The following RNF111 variants were observed in gnomAD, a reference collection of about 807,000 sequenced individuals.
RNF111 encodes E3 ubiquitin-protein ligase Arkadia.
A neutral mutation model predicts 95.1 loss-of-function variants in RNF111; 17 were observed. The ratio of observed to expected loss-of-function variants is 0.18; its 90% CI spans 0.12 to 0.27. RNF111 has a LOEUF of 0.27. Ranked by LOEUF, RNF111 falls within the 10% of genes least tolerant of loss-of-function variation. The pLI is 1.00. For missense variants in RNF111, 1,189 were observed against 1,210.4 expected, an observed-to-expected ratio of 0.98 and a Z score of 0.26; for synonymous variants, 440 against 414.8, an observed-to-expected ratio of 1.06 and a Z score of -0.74.
chr15:59,084,138 T>C lies in RNF111; in HGVS notation c.2307T>C (p.His769=), dbSNP rs1004466844. 4.4e-6 allele frequency: 7 copies of C among 1,590,480 alleles called. No individual in the cohort carries two copies. The highest frequency in any genetic ancestry group is 1.7e-4 in the Middle Eastern group (1 of 6,006). ...RRMMQHPTRA[H]ERPPPHPHRM... is the part of the protein sequence containing the mutation. Reference sequence around the variant, plus strand: ...TGTTCTGTGTTTCCAGGCGGGCACATGAACGCCCCCCACCCCATCCACATA... The same window carrying C: ...TGTTCTGTGTTTCCAGGCGGGCACACGAACGCCCCCCACCCCATCCACATA... Residue 769 remains histidine, a synonymous_variant, in exon 9 of 14, where the codon CAT becomes CAC. Coordinates refer to ENST00000348370, the MANE Select transcript of RNF111 (RefSeq NM_017610.8).
chr15:59,057,221 C>T (rs2042234743), intron 4 of RNF111, among the ~76,000 whole-genome samples: 1 of 152,158 alleles, frequency 6.6e-6, no homozygotes, highest in Non-Finnish European at 1.5e-5. Flanking sequence ...CACATCTCCT[C>T]CCCAGCGAAC....
chr15:58,998,843 A>C (rs2039199663), intron 1 of RNF111, among the ~76,000 whole-genome samples: 1 of 152,230 alleles, frequency 6.6e-6, no homozygotes, highest in Non-Finnish European at 1.5e-5. Context: ...CTGTTACATA[A>C]TGAAATGTGT....
chr15:59,023,560 T>C (rs2040451948), intron 1 of RNF111, among the ~76,000 whole-genome samples: 1 of 152,198 alleles, frequency 6.6e-6, no homozygotes, highest in Admixed American at 6.5e-5. Flanking sequence ...AATATATAAG[T>C]AACTGGCCTG....
intron 6 of RNF111, among the ~76,000 whole-genome samples, chr15:59,072,878 A>AT (rs1252575327): frequency 6.9e-5 from 9 of 130,660 alleles, no homozygotes; most frequent in Middle Eastern, 4.4e-3. Context: ...CAATTTTTTT[A>AT]TTAAAAAAAA....
intron 6 of RNF111, among the ~76,000 whole-genome samples, chr15:59,067,753 T>A (rs1327776851): frequency 1.3e-5 from 2 of 152,240 alleles, no homozygotes; most frequent in Non-Finnish European, 2.9e-5. Flanking sequence ...GAAACTCTAG[T>A]GTCCAGCTAA....
At chr15:59,093,414 C>T (rs894371952) in intron 13 of RNF111, 14 of 435,838 alleles carry the variant, frequency 3.2e-5, no homozygotes, top group African/African-American at 2.8e-4. Flanking sequence ...GCAGCAGTCT[C>T]AGCTCACTGC....
chr15:59,080,460 A>G (rs1444556135), intron 7 of RNF111, among the ~76,000 whole-genome samples: 2 of 152,082 alleles, frequency 1.3e-5, no homozygotes, highest in African/African-American at 4.8e-5. Flanking sequence ...AATTATGGCA[A>G]CCTTTTGGAA....
chr15:59,081,198 C>A lies in RNF111; in HGVS notation c.2211C>A (p.Ala737=), dbSNP rs755913484. Residue 737 remains alanine, a synonymous_variant, in exon 8 of 14, where the codon GCC becomes GCA. Coordinates refer to ENST00000348370, the MANE Select transcript of RNF111 (RefSeq NM_017610.8). ...THQPISHHIP[A]TAPPAQRLHP... Reference sequence around the variant, plus strand: ...AGCCAATTTCGCACCATATTCCAGCCACAGCACCTCCAGCACAGAGACTGC... The same window carrying A: ...AGCCAATTTCGCACCATATTCCAGCAACAGCACCTCCAGCACAGAGACTGC... The A allele has an allele frequency of 3.7e-6, 6 of 1,614,086 alleles. No individual in the cohort carries two copies. In the African/African-American group the frequency reaches 6.7e-5, roughly 18 times the overall value.
At chr15:59,060,007 T>C (rs564142811) in intron 5 of RNF111, among the ~76,000 whole-genome samples, 1 of 152,342 alleles carries the variant, frequency 6.6e-6, no homozygotes, top group East Asian at 1.9e-4. Context: ...TTCTCTCCCC[T>C]GGAAAACTGA....
In RNF111 at chr15:59,076,190, A is replaced by T; in HGVS notation, c.1923A>T (p.Ser641=). Residue 641 remains serine (S), a synonymous_variant, in exon 7 of 14, where the codon TCA becomes TCT. Transcript: ENST00000348370. ...PQPPPQPSLS[S]CRHYMPPPYA... is the part of the protein sequence containing the mutation. ...CCCCTCCACAGCCCTCTCTCTCATCATGTCGACATTACATGCCACCCCCTT... is the reference window on the plus strand; with the variant it reads ...CCCCTCCACAGCCCTCTCTCTCATCTTGTCGACATTACATGCCACCCCCTT... 6.2e-7 allele frequency: 1 copy of T among 1,613,408 alleles called. No homozygotes were observed. The highest frequency in any genetic ancestry group is 8.5e-7 in the Non-Finnish European group (1 of 1,179,972).
chr15:58,988,871 A>G (rs891347512), intron 1 of RNF111, among the ~76,000 whole-genome samples: 1 of 152,212 alleles, frequency 6.6e-6, no homozygotes, highest in Non-Finnish European at 1.5e-5. Flanking sequence ...CTTGAATGGT[A>G]AGATGCCAGC....
intron 2 of RNF111, among the ~76,000 whole-genome samples, chr15:59,046,169 G>C (rs2041697646): frequency 6.7e-6 from 1 of 149,188 alleles, no homozygotes; most frequent in African/African-American, 2.5e-5. Context: ...ACCAGTGTCT[G>C]CTCCTATTTG....
intron 6 of RNF111, among the ~76,000 whole-genome samples, chr15:59,071,814 A>G (rs1566931916): frequency 6.6e-6 from 1 of 152,356 alleles, no homozygotes; most frequent in South Asian, 2.1e-4. Context: ...TCCTAATACA[A>G]GCATACCTTG....
At chr15:59,086,751 A>C (rs138811205) in intron 10 of RNF111, among the ~76,000 whole-genome samples, 20 of 152,310 alleles carry the variant, frequency 1.3e-4, no homozygotes, top group African/African-American at 4.6e-4. Flanking sequence ...TGGTGTTTCT[A>C]ATTTTAGGAG....
intron 3 of RNF111, among the ~76,000 whole-genome samples, chr15:59,052,661 T>G (rs1259670721): frequency 1.3e-5 from 2 of 150,610 alleles, no homozygotes; most frequent in Non-Finnish European, 3.0e-5. Flanking sequence ...GATTCTCCTG[T>G]CTCATTCTCC....
intron 2 of RNF111, among the ~76,000 whole-genome samples, chr15:59,037,298 C>T (rs1229758113): frequency 1.3e-5 from 2 of 152,112 alleles, no homozygotes; most frequent in Non-Finnish European, 2.9e-5. Flanking sequence ...TAGTTTTTCC[C>T]AGTTGCCAGT....
At chr15:59,082,533 A>G (rs1350405138) in intron 8 of RNF111, among the ~76,000 whole-genome samples, 4 of 152,212 alleles carry the variant, frequency 2.6e-5, no homozygotes, top group African/African-American at 9.6e-5. Context: ...TCATATTCAG[A>G]TCAGCAAACT....
intron 2 of RNF111, chr15:59,049,362 A>ATTTTTTTTTTTTTT (rs567223230): frequency 1.4e-5 from 1 of 70,754 alleles, no homozygotes; most frequent in Non-Finnish European, 2.6e-5. Context: ...GGTGTCTTTG[A>ATTTTTTTTTTTTTT]TTTTTTTTTT....
At chr15:59,021,547 G>A (rs1375432213) in intron 1 of RNF111, among the ~76,000 whole-genome samples, 2 of 152,152 alleles carry the variant, frequency 1.3e-5, no homozygotes, top group Admixed American at 6.6e-5. Context: ...CTTTAGGAAA[G>A]TAATTAATAA....
Sources: allele counts gnomAD v4.1 joint callset (sites outside exome capture counted in the v4.1 genomes callset), GRCh38; gene constraint gnomAD v4.1.1; transcripts MANE v1.5; gene names NCBI Gene and HGNC (gene_info 2026-07-23, HGNC 2026-07-21).